Variants in BRINP3 observed in about 807,000 individuals in gnomAD.
BRINP3 encodes the protein BMP/retinoic acid-inducible neural-specific protein 3.
In BRINP3, 19 loss-of-function variants were observed where a neutral mutation model predicts 71.0. That is an observed-to-expected ratio of 0.27 (90% CI 0.19 to 0.39). The LOEUF is 0.39. BRINP3 is among the 10% of genes least tolerant of loss of function. BRINP3 has a pLI of 1.00. For synonymous variants in BRINP3, 380 were observed against 337.7 expected, an observed-to-expected ratio of 1.13 and a Z score of -1.37; for missense variants, 959 against 940.8, an observed-to-expected ratio of 1.02 and a Z score of -0.25.
chr1:190,136,524 C>A (rs748466783), intron 7 of BRINP3, among the ~76,000 whole-genome samples: 1 of 152,090 alleles, frequency 6.6e-6, no homozygotes, highest in African/African-American at 2.4e-5. Flanking sequence ...TTCTTCCCTG[C>A]CTTCCCTCTT....
chr1:190,405,883 T>A (rs1672251195), intron 2 of BRINP3, among the ~76,000 whole-genome samples: 1 of 152,182 alleles, frequency 6.6e-6, no homozygotes, highest in African/African-American at 2.4e-5. Context: ...TGAAGATTAG[T>A]CAGCCACATC....
In BRINP3 at chr1:190,222,249, T is replaced by C. The variant is rs1170011039; in HGVS notation, c.961+3833A>G. Among the ~76,000 whole-genome samples the C allele has an allele frequency of 2.0e-5, 3 of 151,140 alleles. No homozygotes were observed. In the East Asian group the frequency reaches 5.8e-4, roughly 29 times the overall value. ...ACCACAATGGAATAAAAACCACAAA[T>C]TGAAAACAAGAGGAACCTTGGAAAA... is the stretch of plus-strand genomic sequence containing the variant. On this transcript the variant is annotated intron_variant, in intron 6 of 7. Coordinates refer to ENST00000367462, the MANE Select transcript of BRINP3 (RefSeq NM_199051.3).
intron 6 of BRINP3, chr1:190,216,955 T>C (rs1031557971): frequency 6.6e-6 from 1 of 151,896 alleles, no homozygotes; most frequent in Non-Finnish European, 1.5e-5. Flanking sequence ...TTTAGATAAG[T>C]TATTTACTTG....
At chr1:190,177,248 T>G (rs949649580) in intron 6 of BRINP3, among the ~76,000 whole-genome samples, 2 of 142,662 alleles carry the variant, frequency 1.4e-5, no homozygotes, top group Non-Finnish European at 3.0e-5. Flanking sequence ...CTGCAAACTC[T>G]GCCTCCCAGA....
intron 6 of BRINP3, among the ~76,000 whole-genome samples, chr1:190,204,042 A>G (rs1439799204): frequency 1.3e-5 from 2 of 151,430 alleles, no homozygotes; most frequent in Non-Finnish European, 3.0e-5. Flanking sequence ...AAATTAAGCT[A>G]TTAAAACATT....
intron 6 of BRINP3, among the ~76,000 whole-genome samples, chr1:190,191,161 C>G (rs1653998030): frequency 6.6e-6 from 1 of 152,094 alleles, no homozygotes; most frequent in African/African-American, 2.4e-5. Context: ...AAATAGTTTT[C>G]TATAACAATG....
At chr1:190,292,326 G>A (rs1400974079) in intron 2 of BRINP3, among the ~76,000 whole-genome samples, 2 of 151,876 alleles carry the variant, frequency 1.3e-5, no homozygotes, top group Non-Finnish European at 2.9e-5. Context: ...TTATTATGAA[G>A]AGTCACTCTA....
Position 190,199,879 on chromosome 1 carries a change from A to C in BRINP3, c.961+26203T>G, listed in dbSNP as rs1654849030. Among the ~76,000 whole-genome samples, 2 of 152,022 alleles carry C rather than the reference A, an allele frequency of 1.3e-5. 1 individual carries two copies. Among genetic ancestry groups the C allele is most frequent in the South Asian group, 4.1e-4 (2 of 4,834 alleles). Reference sequence around the variant, plus strand: ...AAGTATAAAACTTAAAATGGCAAAAAACAAAAATAACAAAATATAAAATAT... The same window carrying C: ...AAGTATAAAACTTAAAATGGCAAAACACAAAAATAACAAAATATAAAATAT... On this transcript the variant is annotated intron_variant, in intron 6 of 7. Transcript: ENST00000367462.
chr1:190,421,094 A>T (rs1673348771), intron 2 of BRINP3, among the ~76,000 whole-genome samples: 1 of 151,662 alleles, frequency 6.6e-6, no homozygotes, highest in South Asian at 2.1e-4. Context: ...TATTTAACCC[A>T]ATACTAATTG....
intron 2 of BRINP3, among the ~76,000 whole-genome samples, chr1:190,332,002 A>G (rs1465670781): frequency 6.6e-6 from 1 of 151,980 alleles, no homozygotes; most frequent in African/African-American, 2.4e-5. Flanking sequence ...TTATTAATAC[A>G]TTTTAAAAGT....
chr1:190,146,532 T>C (rs1189326398), intron 7 of BRINP3, among the ~76,000 whole-genome samples: 1 of 152,112 alleles, frequency 6.6e-6, no homozygotes, highest in Non-Finnish European at 1.5e-5. Context: ...ATCATCATTA[T>C]CAAATAGATT....
intron 2 of BRINP3, among the ~76,000 whole-genome samples, chr1:190,446,144 A>C (rs771022386): frequency 6.6e-6 from 1 of 152,048 alleles, no homozygotes; most frequent in Admixed American, 6.6e-5. Flanking sequence ...AATTTTCCCA[A>C]TGGCAACTGT....
At chr1:190,227,305 GA>G (rs1480607226) in intron 5 of BRINP3, among the ~76,000 whole-genome samples, 1 of 151,578 alleles carries the variant, frequency 6.6e-6, no homozygotes, top group Non-Finnish European at 1.5e-5. Context: ...TTAACATTTA[GA>G]AAAAAATTAA....
Position 190,281,705 on chromosome 1 carries a change from T to C in BRINP3, c.282A>G (p.Arg94=). 1 of 1,612,706 alleles carries C rather than the reference T, an allele frequency of 6.2e-7. No homozygotes were observed. Among genetic ancestry groups the C allele is most frequent in the Non-Finnish European group, 8.5e-7 (1 of 1,179,268 alleles). ...GAGGCAGAGGAGAGCCAAGGAAATT[T>C]CTTCTCTCAACTGCAAGGTTATTTA... ...WKVNNLAVER[R]NFLGSPLPLA... is the part of the protein sequence containing the mutation. The change falls in exon 3 of 8, where the codon AGA becomes AGG. Residue 94 remains arginine (R), a synonymous_variant. Coordinates refer to ENST00000367462, the MANE Select transcript of BRINP3 (RefSeq NM_199051.3).
At chr1:190,259,111 A>T (rs1164073564) in intron 4 of BRINP3, among the ~76,000 whole-genome samples, 1 of 151,930 alleles carries the variant, frequency 6.6e-6, no homozygotes, top group East Asian at 1.9e-4. Context: ...TCTTTCACAA[A>T]ATAGAAGTGG....
chr1:190,201,334 C>T (rs12404550), intron 6 of BRINP3, among the ~76,000 whole-genome samples: 1 of 151,424 alleles, frequency 6.6e-6, no homozygotes, highest in Non-Finnish European at 1.5e-5. Flanking sequence ...GAAGAAATTC[C>T]TAAGCAGCAC....
chr1:190,417,008 G>T (rs1226814524), intron 2 of BRINP3, among the ~76,000 whole-genome samples: 1 of 152,126 alleles, frequency 6.6e-6, no homozygotes, highest in Non-Finnish European at 1.5e-5. Context: ...TGGTTTATTT[G>T]ATATGCTTAC....
At chr1:190,287,757 C>G (rs1571638410) in intron 2 of BRINP3, among the ~76,000 whole-genome samples, 1 of 151,926 alleles carries the variant, frequency 6.6e-6, no homozygotes, top group Non-Finnish European at 1.5e-5. Flanking sequence ...ATCATTGAAA[C>G]AAAAAAGATG....
At chr1:190,261,591 A>T (rs1272837362) in intron 4 of BRINP3, among the ~76,000 whole-genome samples, 1 of 152,098 alleles carries the variant, frequency 6.6e-6, no homozygotes, top group African/African-American at 2.4e-5. Context: ...GATTTTGTAG[A>T]TCTAATTATA....
Sources: gnomAD v4.1 joint callset for allele counts (sites outside exome capture counted in the v4.1 genomes callset) on GRCh38, gnomAD v4.1.1 for gene constraint, MANE v1.5 for transcripts, NCBI Gene and HGNC (gene_info 2026-07-23, HGNC 2026-07-21) for gene names.